Variants in FAT1 observed in about 807,000 individuals in gnomAD.
FAT1 encodes FAT atypical cadherin 1, also known as protocadherin Fat 1.
In FAT1, 171 loss-of-function variants were observed where a neutral mutation model predicts 329.8. That is an observed-to-expected ratio of 0.52 (90% CI 0.46 to 0.59). FAT1 has a LOEUF of 0.59. Among genes scored for constraint, FAT1 ranks in the 20% least tolerant of loss-of-function variants. The pLI, the probability that FAT1 is intolerant of heterozygous loss-of-function variation, is 0.00. For synonymous variants in FAT1, 2,233 were observed against 2,228.6 expected, an observed-to-expected ratio of 1.00 and a Z score of -0.06; for missense variants, 5,672 against 5,774.4, an observed-to-expected ratio of 0.98 and a Z score of 0.57.
At chr4:186,652,764 T>C (rs328431) in intron 3 of FAT1, among the ~76,000 whole-genome samples, 46,388 of 152,068 alleles carry the variant, frequency 0.31, 8,384 homozygotes, top group African/African-American at 0.49. Flanking sequence ...TTGCAGTTTG[T>C]TCAGTATTCG....
At chr4:186,694,543 A>G (rs1428003750) in intron 2 of FAT1, among the ~76,000 whole-genome samples, 9 of 152,240 alleles carry the variant, frequency 5.9e-5, no homozygotes, top group Non-Finnish European at 1.3e-4. Flanking sequence ...GTTTACATAC[A>G]TATTATTTTT....
At chr4:186,667,038 G>A (rs902185620) in intron 2 of FAT1, among the ~76,000 whole-genome samples, 1 of 152,314 alleles carries the variant, frequency 6.6e-6, no homozygotes, top group Admixed American at 6.5e-5. Flanking sequence ...CTACATGTCA[G>A]TATTCAGCAG....
At position 186,604,430 on chromosome 4, in the gene FAT1, T is replaced by C. The variant is rs1173706640; in HGVS notation, c.10495A>G (p.Thr3499Ala). The C allele has an allele frequency of 2.5e-6, 4 of 1,613,978 alleles. No individual in the cohort carries two copies. The Admixed American group carries it at 6.7e-5, about 27-fold the overall frequency. ...FEVNPQGVLL[T>A]SSAIKRKEKD... is the part of the protein sequence containing the mutation. The stretch of plus-strand genomic sequence containing the variant: ...TCCTTCCTCTTGATGGCAGATGATG[T>C]CAGGAGGACTCCTTGCGGGTTAACT... The change falls in exon 18 of 27, where the codon ACA (threonine) becomes GCA (alanine). Residue 3499 changes from threonine (T) to alanine (A), a missense_variant. Thr to Ala is a moderately conservative substitution (Grantham distance 58, BLOSUM62 0). Coordinates refer to ENST00000441802, the MANE Select transcript of FAT1 (RefSeq NM_005245.4).
chr4:186,675,332 G>C (rs1742900687), intron 2 of FAT1, among the ~76,000 whole-genome samples: 1 of 151,878 alleles, frequency 6.6e-6, no homozygotes. Context: ...CCTCAGCATG[G>C]TGGTGTGCCC....
intron 3 of FAT1, among the ~76,000 whole-genome samples, chr4:186,662,996 C>T (rs1219923053): frequency 6.6e-6 from 1 of 152,074 alleles, no homozygotes; most frequent in East Asian, 1.9e-4. Flanking sequence ...GCCACCACGC[C>T]CAGCTAATTT....
Position 186,620,329 on chromosome 4 carries a change from T to C in FAT1, c.6257A>G (p.Tyr2086Cys), listed in dbSNP as rs1311088077. ...AGTGTCCACTTTAACAACGGCGTAG[T>C]AGGGAAGGTTGACAAACACCGGCGC... ...DNAPVFVNLP[Y>C]YAVVKVDTEV... Residue 2086 changes from tyrosine (Y) to cysteine (C), a missense_variant, in exon 10 of 27, where the codon TAC becomes TGC. Physicochemically the swap from Tyr to Cys is radical, Grantham distance 194. Transcript: ENST00000441802. 6.2e-7 allele frequency: 1 copy of C among 1,613,970 alleles called. No individual in the cohort carries two copies. Among genetic ancestry groups the C allele is most frequent in the Admixed American group, 1.7e-5 (1 of 60,024 alleles).
chr4:186,595,907 T>G, intron 25 of FAT1, 81 bp from the exon 26 acceptor site: 1 of 1,432,662 alleles, frequency 7.0e-7, no homozygotes, highest in South Asian at 1.2e-5. Context: ...ACACCATGCA[T>G]TACCCAACGA....
At chr4:186,661,610 A>T (rs928971163) in intron 3 of FAT1, among the ~76,000 whole-genome samples, 1 of 152,188 alleles carries the variant, frequency 6.6e-6, no homozygotes, top group African/African-American at 2.4e-5. Context: ...ACCCTTGCAG[A>T]CTTTGCCCCT....
chr4:186,639,319 G>A (rs1740986540), intron 4 of FAT1, among the ~76,000 whole-genome samples: 1 of 152,128 alleles, frequency 6.6e-6, no homozygotes, highest in African/African-American at 2.4e-5. Context: ...GGTTGAAACA[G>A]ATCTATAAAT....
chr4:186,650,860 A>G (rs1450447087), intron 3 of FAT1, among the ~76,000 whole-genome samples: 1 of 152,122 alleles, frequency 6.6e-6, no homozygotes, highest in Admixed American at 6.5e-5. Flanking sequence ...GTGTTGAAAG[A>G]GAGCTTGCTC....
chr4:186,698,858 T>C (rs565252438), intron 2 of FAT1, among the ~76,000 whole-genome samples: 17 of 152,370 alleles, frequency 1.1e-4, no homozygotes, highest in African/African-American at 3.8e-4. Context: ...CACGTCTGTA[T>C]TGTCAGAATG....
At chr4:186,594,762 T>C (rs916326383) in intron 26 of FAT1, among the ~76,000 whole-genome samples, 16 of 147,538 alleles carry the variant, frequency 1.1e-4, no homozygotes, top group African/African-American at 2.8e-4. Flanking sequence ...ATGACTGCAA[T>C]AGATAATGAC....
At position 186,618,899 on chromosome 4, in the gene FAT1, C is replaced by T. The variant is rs2126500159; in HGVS notation, c.7687G>A (p.Val2563Met). 2 of 1,613,978 alleles carry T rather than the reference C, an allele frequency of 1.2e-6. No individual in the cohort carries two copies. Among genetic ancestry groups the T allele is most frequent in the Non-Finnish European group, 1.7e-6 (2 of 1,179,878 alleles). The change falls in exon 10 of 27, where the codon GTG becomes ATG. Residue 2563 changes from valine to methionine, a missense_variant. Coordinates refer to ENST00000441802, the MANE Select transcript of FAT1 (RefSeq NM_005245.4). The stretch of plus-strand genomic sequence containing the variant: ...TTAGCCATTAAACGGACTGAGATCA[C>T]TTTCTCCGCCGGGGTTTCTCGATCA... ...KLDRETPAEK[V>M]ISVRLMAKDA... is the part of the protein sequence containing the mutation.
In FAT1 at chr4:186,620,325, G is replaced by A. The variant is rs532659201; in HGVS notation, c.6261C>T (p.Tyr2087=). ...CCTCAGTGTCCACTTTAACAACGGC[G>A]TAGTAGGGAAGGTTGACAAACACCG... The part of the protein sequence containing the change: ...NAPVFVNLPY[Y]AVVKVDTEVG... The change falls in exon 10 of 27, where the codon TAC becomes TAT. Residue 2087 remains tyrosine (Y), a synonymous_variant. Coordinates refer to ENST00000441802, the MANE Select transcript of FAT1 (RefSeq NM_005245.4). The A allele has an allele frequency of 3.0e-5, 49 of 1,613,992 alleles. No individual in the cohort carries two copies. Among genetic ancestry groups the A allele is most frequent in the African/African-American group, 5.3e-5 (4 of 75,050 alleles).
At chr4:186,701,115 A>G (rs1463679113) in intron 2 of FAT1, among the ~76,000 whole-genome samples, 1 of 152,226 alleles carries the variant, frequency 6.6e-6, no homozygotes, top group African/African-American at 2.4e-5. Flanking sequence ...TCAACGTGGT[A>G]AACATCATAC....
intron 26 of FAT1, among the ~76,000 whole-genome samples, chr4:186,594,881 CAT>C (rs1738427705): frequency 1.3e-5 from 2 of 151,270 alleles, no homozygotes; most frequent in Admixed American, 1.3e-4. Context: ...AAATGTATAA[CAT>C]ATTAATATGT....
chr4:186,706,743 G>A lies in FAT1; in HGVS notation c.3085C>T (p.Leu1029=), dbSNP rs201632253. The change falls in exon 2 of 27, where the codon CTG becomes TTG. Residue 1029 remains leucine, a synonymous_variant. Coordinates refer to ENST00000441802, the MANE Select transcript of FAT1 (RefSeq NM_005245.4). ...AAGCTGGAAAACACGGGTGGGTGCA[G>A]GTTCTCATTCACATCAACCACCTCA... ...EVEVVDVNEN[L]HPPVFSSFVE... is the part of the protein sequence containing the mutation. 1.2e-6 allele frequency: 2 copies of A among 1,613,964 alleles called. No individual in the cohort carries two copies. Among genetic ancestry groups the A allele is most frequent in the Admixed American group, 3.3e-5 (2 of 60,028 alleles).
chr4:186,624,818 T>C (rs996339296), intron 9 of FAT1, among the ~76,000 whole-genome samples: 9 of 152,250 alleles, frequency 5.9e-5, no homozygotes, highest in African/African-American at 2.2e-4. Context: ...GAACATTTTA[T>C]AGTTCGTACT....
intron 1 of FAT1, among the ~76,000 whole-genome samples, chr4:186,714,339 G>A (rs1468405903): frequency 3.3e-5 from 5 of 152,112 alleles, no homozygotes; most frequent in Non-Finnish European, 4.4e-5. Flanking sequence ...ACTGCTCAGC[G>A]TAGAGAACAA....
Sources: gnomAD v4.1 joint callset for allele counts (sites outside exome capture counted in the v4.1 genomes callset) on GRCh38, gnomAD v4.1.1 for gene constraint, MANE v1.5 for transcripts, NCBI Gene and HGNC (gene_info 2026-07-23, HGNC 2026-07-21) for gene names.